The following NSMCE2 variants were observed in gnomAD, a reference collection of about 807,000 sequenced individuals.
NSMCE2 encodes NSE2 SUMO ligase component of SMC5/6 complex, also known as E3 SUMO-protein ligase NSE2.
In NSMCE2, 24 loss-of-function variants were observed where a neutral mutation model predicts 23.8. The ratio of observed to expected loss-of-function variants is 1.01; its 90% CI spans 0.73 to 1.42. The LOEUF is 1.42. Ranked by LOEUF, NSMCE2 falls within the 40% of genes most tolerant of loss-of-function variation. NSMCE2 has a pLI of 0.00. For missense variants in NSMCE2, 284 were observed against 296.5 expected (o/e 0.96, Z 0.31); for synonymous variants, 92 against 94.1 (o/e 0.98, Z 0.13).
At chr8:125,182,034 A>G (rs1822844969) in intron 4 of NSMCE2, 69 bp from the exon 5 acceptor site, 2 of 1,150,148 alleles carry the variant, frequency 1.7e-6, no homozygotes, top group Non-Finnish European at 2.5e-6. Context: ...GATAAAAACA[A>G]TGTTGCAAAA....
In NSMCE2 at chr8:125,272,486, G is replaced by A. The variant is rs1283158781; in HGVS notation, c.419-84733G>A. On this transcript the variant is annotated intron_variant, in intron 5 of 7. Coordinates refer to ENST00000287437, the MANE Select transcript of NSMCE2 (RefSeq NM_173685.4). ...TGACCAAATGACTAACCCGGCACATGGGGACAGGAGGAGTGTAATGTCACT... is the reference window on the plus strand; with the variant it reads ...TGACCAAATGACTAACCCGGCACATAGGGACAGGAGGAGTGTAATGTCACT... Among the ~76,000 whole-genome samples the A allele has an allele frequency of 2.0e-5, 3 of 150,610 alleles. No homozygotes were observed. The East Asian group carries it at 5.8e-4, about 29-fold the overall frequency.
rs79634595 is a variant in NSMCE2, at chr8:125,147,911, G to A, written c.158-3260G>A. On this transcript the variant is annotated intron_variant, in intron 3 of 7. Coordinates refer to ENST00000287437, the MANE Select transcript of NSMCE2 (RefSeq NM_173685.4). Reference sequence around the variant, plus strand: ...TGGCAGGTTGCTACTTGACATGGACGTTCTCATGACCTGTCTTTAAGATGC... The same window carrying A: ...TGGCAGGTTGCTACTTGACATGGACATTCTCATGACCTGTCTTTAAGATGC... Among the ~76,000 whole-genome samples, 132 of 152,282 alleles carry A rather than the reference G, an allele frequency of 8.7e-4. 1 individual carries two copies. The East Asian group carries it at 0.018, about 21-fold the overall frequency.
intron 5 of NSMCE2, among the ~76,000 whole-genome samples, chr8:125,300,331 T>C (rs1009550742): frequency 3.3e-5 from 5 of 151,756 alleles, no homozygotes; most frequent in African/African-American, 1.2e-4. Context: ...ACCTGGCTAA[T>C]TTTTTTGTTT....
At chr8:125,182,416 A>G (rs1822875020) in intron 5 of NSMCE2, 160 bp downstream of exon 5, 2 of 690,690 alleles carry the variant, frequency 2.9e-6, no homozygotes, top group African/African-American at 1.9e-5. Flanking sequence ...TATTTTGTCT[A>G]ATTTTTGGTT....
intron 5 of NSMCE2, among the ~76,000 whole-genome samples, chr8:125,292,640 A>G (rs921378098): frequency 6.6e-6 from 1 of 152,210 alleles, no homozygotes; most frequent in Admixed American, 6.5e-5. Context: ...TGTTGCCAAA[A>G]TTTGAGATCA....
intron 3 of NSMCE2, among the ~76,000 whole-genome samples, chr8:125,126,517 C>T (rs1034497007): frequency 2.6e-5 from 4 of 152,132 alleles, no homozygotes; most frequent in African/African-American, 9.7e-5. Context: ...AAGAATTTTA[C>T]CACCACGTAT....
intron 5 of NSMCE2, among the ~76,000 whole-genome samples, chr8:125,338,939 C>T (rs535103872): frequency 6.6e-6 from 1 of 152,294 alleles, no homozygotes; most frequent in African/African-American, 2.4e-5. Flanking sequence ...TCACGCTCTG[C>T]CCTAGATTTA....
At chr8:125,120,990 TAC>T (rs1032639301) in intron 3 of NSMCE2, among the ~76,000 whole-genome samples, 2 of 152,256 alleles carry the variant, frequency 1.3e-5, no homozygotes, top group African/African-American at 4.8e-5. Context: ...TGAAAAATGC[TAC>T]ACAGTGATTT....
At chr8:125,130,235 A>G in intron 3 of NSMCE2, 1 of 455,930 alleles carries the variant, frequency 2.2e-6, no homozygotes, top group Non-Finnish European at 4.4e-6. Context: ...AAGAGCACAG[A>G]GGTCAAGGGC....
chr8:125,310,536 A>G (rs1376886950), intron 5 of NSMCE2, among the ~76,000 whole-genome samples: 1 of 152,220 alleles, frequency 6.6e-6, no homozygotes, highest in Non-Finnish European at 1.5e-5. Flanking sequence ...GACCAATATC[A>G]TAAAGTTTTG....
At chr8:125,140,530 G>A (rs1820312341) in intron 3 of NSMCE2, among the ~76,000 whole-genome samples, 1 of 152,014 alleles carries the variant, frequency 6.6e-6, no homozygotes, top group Non-Finnish European at 1.5e-5. Context: ...GGGCGTGGTA[G>A]TGGGTGCCTG....
intron 5 of NSMCE2, among the ~76,000 whole-genome samples, chr8:125,304,342 T>A (rs1365163966): frequency 6.6e-6 from 1 of 152,206 alleles, no homozygotes; most frequent in Non-Finnish European, 1.5e-5. Flanking sequence ...ATGTGTACTT[T>A]ACCTATGGGA....
chr8:125,335,540 A>G (rs1423549881), intron 5 of NSMCE2, among the ~76,000 whole-genome samples: 1 of 152,226 alleles, frequency 6.6e-6, no homozygotes, highest in Admixed American at 6.5e-5. Flanking sequence ...ATAGCCAGCC[A>G]GGAGGTAACT....
chr8:125,280,957 C>T (rs1052546767), intron 5 of NSMCE2, among the ~76,000 whole-genome samples: 3 of 152,220 alleles, frequency 2.0e-5, no homozygotes, highest in African/African-American at 7.2e-5. Flanking sequence ...TACAGTCTTC[C>T]TGAATGGTAG....
chr8:125,271,836 C>T (rs1327928212), intron 5 of NSMCE2, among the ~76,000 whole-genome samples: 2 of 152,102 alleles, frequency 1.3e-5, no homozygotes, highest in South Asian at 2.1e-4. Context: ...TTATACTTAG[C>T]ACTTTATATC....
chr8:125,363,502 AAAAG>A (rs1257923093), intron 7 of NSMCE2, among the ~76,000 whole-genome samples: 3 of 149,932 alleles, frequency 2.0e-5, no homozygotes, highest in Non-Finnish European at 4.4e-5. Context: ...CCCTGTCAAA[AAAAG>A]AAAGAGGAAA....
Position 125,127,992 on chromosome 8 carries a change from T to C in NSMCE2, c.158-23179T>C, listed in dbSNP as rs990357491. On this transcript the variant is annotated intron_variant, in intron 3 of 7. Transcript: ENST00000287437. ...GTCATGTCAGCGCTCAAAAAAGCTT[T>C]GGATTTTGGAGCATTGAAGATTTTG... Among the ~76,000 whole-genome samples, 76 of 152,292 alleles carry C rather than the reference T, an allele frequency of 5.0e-4. 1 individual carries two copies. The highest frequency in any genetic ancestry group is 1.8e-3 in the African/African-American group (74 of 41,568).
At chr8:125,216,844 T>C (rs1043638056) in intron 5 of NSMCE2, among the ~76,000 whole-genome samples, 1 of 152,208 alleles carries the variant, frequency 6.6e-6, no homozygotes, top group African/African-American at 2.4e-5. Flanking sequence ...AAAGACGAGT[T>C]AGTGAAATCA....
chr8:125,177,564 T>C (rs1251184766), intron 4 of NSMCE2, among the ~76,000 whole-genome samples: 2 of 152,218 alleles, frequency 1.3e-5, no homozygotes, highest in Non-Finnish European at 2.9e-5. Context: ...GAGCACCCAC[T>C]GTGCAACAGG....
Sources: allele counts gnomAD v4.1 joint callset (sites outside exome capture counted in the v4.1 genomes callset), GRCh38; gene constraint gnomAD v4.1.1; transcripts MANE v1.5; gene names NCBI Gene and HGNC (gene_info 2026-07-23, HGNC 2026-07-21).